Variants in KCNIP4 observed in about 807,000 individuals in gnomAD.
KCNIP4 encodes the protein potassium voltage-gated channel interacting protein 4.
In KCNIP4, 12 loss-of-function variants were observed where a neutral mutation model predicts 34.0. The observed-to-expected ratio is 0.35, with a 90% confidence interval of 0.23 to 0.57. The LOEUF (loss-of-function observed/expected upper bound fraction) is 0.57, where lower values mean the gene tolerates loss of function less well. KCNIP4 is among the 20% of genes least tolerant of loss of function. The pLI is 0.83. For missense variants in KCNIP4, 238 were observed against 311.7 expected, an observed-to-expected ratio of 0.76 and a Z score of 1.78; for synonymous variants, 124 against 102.2, an observed-to-expected ratio of 1.21 and a Z score of -1.29.
chr4:21,370,805 ATATAT>A (rs1720287140), intron 1 of KCNIP4, among the ~76,000 whole-genome samples: 2 of 3,698 alleles, frequency 5.4e-4, no homozygotes, highest in South Asian at 7.5e-3. Context: ...ATTGAAATAT[ATATAT>A]ATATATATAT....
In KCNIP4 at chr4:21,791,706, T is replaced by C. The variant is rs141794807; in HGVS notation, c.61+156865A>G. 3.9e-5 allele frequency among the ~76,000 whole-genome samples: 6 copies of C among 152,102 alleles called. No homozygotes were observed. The East Asian group carries it at 1.2e-3, about 30-fold the overall frequency. Reference sequence around the variant, plus strand: ...ACTTAGTATTTCCATTCCTCAGCTGTAGAAAGCAAACAATAATAAGAACTA... The same window carrying C: ...ACTTAGTATTTCCATTCCTCAGCTGCAGAAAGCAAACAATAATAAGAACTA... On this transcript the variant is annotated intron_variant, in intron 1 of 8. Transcript: ENST00000382152.
intron 1 of KCNIP4, among the ~76,000 whole-genome samples, chr4:21,299,242 T>C (rs1323411928): frequency 6.6e-6 from 1 of 152,024 alleles, no homozygotes; most frequent in Non-Finnish European, 1.5e-5. Context: ...TTTTATTTTA[T>C]AGCTAAAAAT....
intron 1 of KCNIP4, among the ~76,000 whole-genome samples, chr4:21,686,822 T>C (rs1750837825): frequency 6.6e-6 from 1 of 152,040 alleles, no homozygotes; most frequent in Non-Finnish European, 1.5e-5. Flanking sequence ...TTACTGGGTA[T>C]ATACCCAAAT....
At chr4:21,064,833 A>T (rs1399909374) in intron 1 of KCNIP4, among the ~76,000 whole-genome samples, 1 of 152,202 alleles carries the variant, frequency 6.6e-6, no homozygotes, top group Non-Finnish European at 1.5e-5. Flanking sequence ...AATCACTTTG[A>T]AAAAGAAAAA....
chr4:21,065,773 T>C (rs1294867072), intron 1 of KCNIP4, among the ~76,000 whole-genome samples: 1 of 143,834 alleles, frequency 7.0e-6, no homozygotes, highest in Non-Finnish European at 1.5e-5. Flanking sequence ...TATAACTCAA[T>C]TTTATTTTAA....
At chr4:20,939,767 G>A (rs896427391) in intron 1 of KCNIP4, among the ~76,000 whole-genome samples, 2 of 152,148 alleles carry the variant, frequency 1.3e-5, no homozygotes, top group Non-Finnish European at 2.9e-5. Flanking sequence ...CACACTGGAA[G>A]CATCTTGGAC....
chr4:21,688,786 G>T (rs1026086203), intron 1 of KCNIP4, among the ~76,000 whole-genome samples: 8 of 151,822 alleles, frequency 5.3e-5, no homozygotes, highest in Admixed American at 2.6e-4. Context: ...AAAACTTCCT[G>T]TTCCTACAAA....
intron 1 of KCNIP4, among the ~76,000 whole-genome samples, chr4:21,205,498 C>T (rs541731880): frequency 1.3e-5 from 2 of 152,258 alleles, no homozygotes; most frequent in Admixed American, 6.5e-5. Flanking sequence ...TGACTAGACC[C>T]GTTCTCCAGA....
chr4:21,913,470 T>C (rs1728455678), intron 1 of KCNIP4, among the ~76,000 whole-genome samples: 1 of 151,178 alleles, frequency 6.6e-6, no homozygotes, highest in Admixed American at 6.6e-5. Flanking sequence ...AAGCAGAGAG[T>C]GGCCTTCACA....
At chr4:21,913,307 T>A (rs1728444828) in intron 1 of KCNIP4, among the ~76,000 whole-genome samples, 1 of 151,874 alleles carries the variant, frequency 6.6e-6, no homozygotes, top group South Asian at 2.1e-4. Context: ...ACAACTGCAC[T>A]CCAGCCTGGT....
intron 1 of KCNIP4, among the ~76,000 whole-genome samples, chr4:21,066,002 T>A (rs28571079): frequency 0.13 from 19,723 of 151,804 alleles, 1,550 homozygotes; most frequent in African/African-American, 0.22. Context: ...TAGTGTAGCA[T>A]AGAAAACACA....
intron 3 of KCNIP4, among the ~76,000 whole-genome samples, chr4:20,842,610 A>G (rs931154833): frequency 7.6e-6 from 1 of 130,762 alleles, no homozygotes; most frequent in Non-Finnish European, 1.7e-5. Context: ...AAAAAAAAAA[A>G]GCCAGCAATT....
intron 1 of KCNIP4, among the ~76,000 whole-genome samples, chr4:21,586,936 G>A (rs186239389): frequency 4.3e-4 from 66 of 152,096 alleles, no homozygotes; most frequent in African/African-American, 1.6e-3. Flanking sequence ...GGTATGATTA[G>A]GACCATTATT....
At chr4:20,881,753 T>C (rs1358575530) in intron 2 of KCNIP4, among the ~76,000 whole-genome samples, 1 of 152,216 alleles carries the variant, frequency 6.6e-6, no homozygotes, top group African/African-American at 2.4e-5. Flanking sequence ...CTAATCTAAG[T>C]GTTGCTGTGA....
intron 1 of KCNIP4, among the ~76,000 whole-genome samples, chr4:21,386,358 C>T (rs189602320): frequency 6.6e-6 from 1 of 152,110 alleles, no homozygotes; most frequent in Non-Finnish European, 1.5e-5. Context: ...AATTGACCTG[C>T]AAGCAGGGCT....
intron 1 of KCNIP4, among the ~76,000 whole-genome samples, chr4:21,211,224 T>G (rs1757197062): frequency 6.6e-6 from 1 of 152,192 alleles, no homozygotes; most frequent in African/African-American, 2.4e-5. Context: ...AAGTTATTAT[T>G]TCTCCCATAT....
At chr4:21,118,548 G>C (rs978758969) in intron 1 of KCNIP4, among the ~76,000 whole-genome samples, 2 of 152,198 alleles carry the variant, frequency 1.3e-5, no homozygotes, top group African/African-American at 4.8e-5. Context: ...TTGCCAAAAT[G>C]CAAGTTGCAA....
chr4:21,835,388 T>C (rs375188106), intron 1 of KCNIP4, among the ~76,000 whole-genome samples: 4 of 152,100 alleles, frequency 2.6e-5, no homozygotes, highest in Admixed American at 2.0e-4. Flanking sequence ...CATTAGCAAT[T>C]TGGTAAATGC....
At chr4:21,201,046 C>T (rs898797391) in intron 1 of KCNIP4, among the ~76,000 whole-genome samples, 13 of 152,066 alleles carry the variant, frequency 8.5e-5, no homozygotes, top group African/African-American at 3.1e-4. Context: ...TAGGCCAGAC[C>T]TATTTTATTC....
Sources: gnomAD v4.1 joint callset for allele counts (sites outside exome capture counted in the v4.1 genomes callset) on GRCh38, gnomAD v4.1.1 for gene constraint, MANE v1.5 for transcripts, NCBI Gene and HGNC (gene_info 2026-07-23, HGNC 2026-07-21) for gene names.